The following EXOC5 variants were observed in gnomAD, a reference collection of about 807,000 sequenced individuals.
EXOC5 encodes the protein SEC10-like 1.
Under a neutral mutation model 90.8 loss-of-function variants are expected in EXOC5, and 17 were observed. The observed-to-expected ratio is 0.19, with a 90% CI of 0.13 to 0.28. EXOC5 has a LOEUF of 0.28. Ranked by LOEUF, EXOC5 falls within the 10% of genes least tolerant of loss-of-function variation. The pLI is 1.00. For missense variants in EXOC5, 569 were observed against 830.6 expected (o/e 0.69, Z 3.87); for synonymous variants, 260 against 270.0 (o/e 0.96, Z 0.36).
rs189195320 is a variant in EXOC5, at chr14:57,200,921, T to A, written c.*7688A>T. 2.0e-5 allele frequency: 3 copies of A among 152,264 alleles called. No individual in the cohort carries two copies. The highest frequency in any genetic ancestry group is 2.0e-4 in the Admixed American group (3 of 15,282). The allele number at this position is 152,264 out of a possible 1,614,324, so 9.4% of individuals were successfully genotyped here. A position where few individuals can be genotyped will look rare whatever the true frequency, so the allele number is the denominator to read the frequency against. On this transcript the variant is annotated 3_prime_UTR_variant, in exon 18 of 18. Coordinates refer to ENST00000621441, the MANE Select transcript of EXOC5 (RefSeq NM_006544.4). ...CCAAAACTTCAAGAGCTATGTGAGA[T>A]GAGGATGGTCTCCTCCAGAGAGAGG...
At chr14:57,230,998 A>G (rs1883467619) in intron 11 of EXOC5, among the ~76,000 whole-genome samples, 1 of 151,022 alleles carries the variant, frequency 6.6e-6, no homozygotes, top group African/African-American at 2.4e-5. Context: ...TAATTGACAA[A>G]TATCTACTTT....
chr14:57,219,863 T>C (rs1316607777), intron 13 of EXOC5, among the ~76,000 whole-genome samples: 2 of 152,070 alleles, frequency 1.3e-5, no homozygotes, highest in Non-Finnish European at 2.9e-5. Context: ...CTCTACACTA[T>C]CTCCTCAAAA....
At chr14:57,217,958 C>T (rs1392943184) in intron 15 of EXOC5, 24 bp downstream of exon 15, 1 of 1,217,468 alleles carries the variant, frequency 8.2e-7, no homozygotes, top group Non-Finnish European at 1.2e-6. Flanking sequence ...TAAAAAAATG[C>T]AAGAGACAAA....
intron 5 of EXOC5, among the ~76,000 whole-genome samples, chr14:57,239,046 TA>T (rs907976536): frequency 6.6e-6 from 1 of 151,570 alleles, no homozygotes; most frequent in Non-Finnish European, 1.5e-5. Flanking sequence ...CCTTGCATTT[TA>T]AAAAAAAGGG....
At chr14:57,247,318 T>C (rs1884059721) in intron 2 of EXOC5, among the ~76,000 whole-genome samples, 1 of 152,202 alleles carries the variant, frequency 6.6e-6, no homozygotes, top group South Asian at 2.1e-4. Flanking sequence ...TTTAAAACAA[T>C]GTATTTAATG....
At chr14:57,253,756 C>T (rs1219002595) in intron 1 of EXOC5, among the ~76,000 whole-genome samples, 2 of 152,180 alleles carry the variant, frequency 1.3e-5, no homozygotes, top group East Asian at 1.9e-4. Flanking sequence ...ACATTCAAAA[C>T]AGAAAGGACA....
At chr14:57,218,600 T>G (rs964582221) in intron 14 of EXOC5, among the ~76,000 whole-genome samples, 4 of 152,040 alleles carry the variant, frequency 2.6e-5, no homozygotes, top group Admixed American at 2.0e-4. Context: ...ACCCTAATAA[T>G]TGTGTGAATT....
chr14:57,261,479 G>A (rs1233196817), intron 1 of EXOC5, among the ~76,000 whole-genome samples: 1 of 152,220 alleles, frequency 6.6e-6, no homozygotes, highest in African/African-American at 2.4e-5. Flanking sequence ...TTACTCTTAA[G>A]CATCAACCTC....
chr14:57,231,811 CTTATG>C, intron 10 of EXOC5, 96 bp from the exon 11 acceptor site: 2 of 793,572 alleles, frequency 2.5e-6, no homozygotes, highest in African/African-American at 1.7e-5. Context: ...ACTTTCATGA[CTTATG>C]TTAAGCCACC....
intron 7 of EXOC5, among the ~76,000 whole-genome samples, chr14:57,234,957 TA>T (rs1462902161): frequency 6.6e-6 from 1 of 152,186 alleles, no homozygotes; most frequent in Admixed American, 6.5e-5. Context: ...TGTATTTTAA[TA>T]AAATGTGTTT....
intron 1 of EXOC5, among the ~76,000 whole-genome samples, chr14:57,261,821 A>G (rs1348888209): frequency 6.6e-6 from 1 of 152,214 alleles, no homozygotes; most frequent in African/African-American, 2.4e-5. Flanking sequence ...AAAGGGCTGC[A>G]TGGGCTTTCT....
intron 15 of EXOC5, among the ~76,000 whole-genome samples, chr14:57,213,345 G>A (rs1336489577): frequency 6.6e-6 from 1 of 151,374 alleles, no homozygotes; most frequent in Non-Finnish European, 1.5e-5. Flanking sequence ...TTGCGCCACT[G>A]CACACCAGCC....
At position 57,205,403 on chromosome 14, in the gene EXOC5, A is replaced by C. The variant is rs1268861237; in HGVS notation, c.*3206T>G. 1 of 157,438 alleles carries C rather than the reference A, an allele frequency of 6.4e-6. No individual in the cohort carries two copies. Among genetic ancestry groups the C allele is most frequent in the Non-Finnish European group, 1.4e-5 (1 of 71,876 alleles). The allele number at this position is 157,438 out of a possible 1,614,324, so 9.8% of individuals were successfully genotyped here. On this transcript the variant is annotated 3_prime_UTR_variant, in exon 18 of 18. Transcript: ENST00000621441. Reference sequence around the variant, plus strand: ...ATTCAACAATATATGGGTAATGTGCAGAATATTTTTGCGTTAAAAAAAGTT... The same window carrying C: ...ATTCAACAATATATGGGTAATGTGCCGAATATTTTTGCGTTAAAAAAAGTT...
intron 15 of EXOC5, among the ~76,000 whole-genome samples, chr14:57,213,465 T>C (rs895975975): frequency 2.6e-5 from 4 of 151,812 alleles, no homozygotes; most frequent in African/African-American, 9.7e-5. Flanking sequence ...TGGAGTGCAG[T>C]GGCGTGATCT....
chr14:57,216,480 AATCC>A (rs1201860057), intron 15 of EXOC5, among the ~76,000 whole-genome samples: 2 of 152,126 alleles, frequency 1.3e-5, no homozygotes, highest in African/African-American at 2.4e-5. Context: ...CCCAGAAATA[AATCC>A]ATCCATTTAT....
intron 1 of EXOC5, among the ~76,000 whole-genome samples, chr14:57,262,580 A>G (rs535484341): frequency 2.9e-4 from 43 of 147,580 alleles, no homozygotes; most frequent in African/African-American, 9.2e-4. Flanking sequence ...ATATATACGT[A>G]TATATATACA....
In EXOC5 at chr14:57,202,762, T is replaced by A. The variant is rs1308971656; in HGVS notation, c.*5847A>T. On this transcript the variant is annotated 3_prime_UTR_variant, in exon 18 of 18. Transcript: ENST00000621441. ...TTTTTCTCATGCAAGACTTTCAGAA[T>A]CTTGTTTACACACATGCACACACAC... 4 of 152,224 alleles carry A rather than the reference T, an allele frequency of 2.6e-5. No homozygotes were observed. The highest frequency in any genetic ancestry group is 9.6e-5 in the African/African-American group (4 of 41,466). 9.4% of individuals were successfully genotyped at this position (152,224 alleles called of 1,614,324 possible).
In EXOC5 at chr14:57,261,798, C is replaced by A. The variant is rs937458177; in HGVS notation, c.27+6824G>T. On this transcript the variant is annotated intron_variant, in intron 1 of 17. Transcript: ENST00000621441. ...TTCAGCCAGAGCCAAGGGCAAAGGGCCTTGGTTCTTTCAAAGGGCTGCATG... is the reference window on the plus strand; with the variant it reads ...TTCAGCCAGAGCCAAGGGCAAAGGGACTTGGTTCTTTCAAAGGGCTGCATG... 3.9e-5 allele frequency among the ~76,000 whole-genome samples: 6 copies of A among 152,268 alleles called. No homozygotes were observed. The East Asian group carries it at 9.7e-4, about 25-fold the overall frequency.
chr14:57,218,087 G>C lies in EXOC5; in HGVS notation c.1527-19C>G. ...AGAAGAGCTATTGTATATTTAAAAT[G>C]GAAAAAGAATCATATTAATAGTCTA... On this transcript the variant is annotated intron_variant, in intron 14 of 17. Transcript: ENST00000621441. The C allele has an allele frequency of 8.2e-7, 1 of 1,214,350 alleles. No individual in the cohort carries two copies. Among genetic ancestry groups the C allele is most frequent in the South Asian group, 1.3e-5 (1 of 77,376 alleles). 75.2% of individuals were successfully genotyped at this position (1,214,350 alleles called of 1,614,324 possible).
Sources: allele counts gnomAD v4.1 joint callset (sites outside exome capture counted in the v4.1 genomes callset), GRCh38; gene constraint gnomAD v4.1.1; transcripts MANE v1.5; gene names NCBI Gene and HGNC (gene_info 2026-07-23, HGNC 2026-07-21).